ZFPM2: variants seen among roughly 807,000 people sequenced by gnomAD.
ZFPM2 encodes the protein zinc finger protein, FOG family member 2.
In ZFPM2, 20 loss-of-function variants were observed where a neutral mutation model predicts 98.6. The observed-to-expected ratio is 0.20, with a 90% CI of 0.14 to 0.29. The LOEUF (loss-of-function observed/expected upper bound fraction) is 0.29. Ranked by LOEUF, ZFPM2 falls within the 10% of genes least tolerant of loss-of-function variation. The probability of loss-of-function intolerance (pLI) is 1.00; values close to 1 mark genes in which losing one functional copy is unlikely to be tolerated. For synonymous variants in ZFPM2, 518 were observed against 502.7 expected (o/e 1.03, Z -0.41); for missense variants, 1,310 against 1,388.6 (o/e 0.94, Z 0.90).
chr8:105,517,399 G>A (rs1813946902), intron 3 of ZFPM2, among the ~76,000 whole-genome samples: 1 of 152,016 alleles, frequency 6.6e-6, no homozygotes, highest in African/African-American at 2.4e-5. Flanking sequence ...GCTTTATCGA[G>A]ATATAATTGA....
intron 3 of ZFPM2, among the ~76,000 whole-genome samples, chr8:105,488,645 TC>T (rs1813285923): frequency 6.6e-6 from 1 of 152,072 alleles, no homozygotes; most frequent in African/African-American, 2.4e-5. Context: ...GCGCCTGTAG[TC>T]CCAGCTACTC....
intron 3 of ZFPM2, among the ~76,000 whole-genome samples, chr8:105,487,816 T>A (rs1813259730): frequency 1.3e-5 from 2 of 152,196 alleles, no homozygotes; most frequent in African/African-American, 4.8e-5. Context: ...TATTAAGTAA[T>A]TATTTGGCAC....
At chr8:105,476,824 G>GGGGGTACTAGGGATGGTGTT (rs1813021430) in intron 3 of ZFPM2, among the ~76,000 whole-genome samples, 1 of 151,916 alleles carries the variant, frequency 6.6e-6, no homozygotes, top group African/African-American at 2.4e-5. Flanking sequence ...GTGGGTGATT[G>GGGGGTACTAGGGATGGTGTT]GGGGTACTAG....
intron 1 of ZFPM2, among the ~76,000 whole-genome samples, chr8:105,324,667 G>C (rs1812084486): frequency 6.6e-6 from 1 of 151,740 alleles, no homozygotes; most frequent in African/African-American, 2.4e-5. Context: ...CTTCTCAGTT[G>C]CATTTTAATC....
chr8:105,330,868 G>T (rs954487121), intron 1 of ZFPM2, among the ~76,000 whole-genome samples: 1 of 149,738 alleles, frequency 6.7e-6, no homozygotes, highest in Admixed American at 6.7e-5. Flanking sequence ...TTGTAAAATC[G>T]CTGTGTAAGT....
intron 4 of ZFPM2, among the ~76,000 whole-genome samples, chr8:105,608,652 G>A (rs1191846941): frequency 2.7e-5 from 4 of 146,078 alleles, no homozygotes; most frequent in Non-Finnish European, 6.0e-5. Flanking sequence ...GGAAATTTGG[G>A]TTTTTAGAGA....
At chr8:105,323,198 C>T (rs376303071) in intron 1 of ZFPM2, among the ~76,000 whole-genome samples, 3 of 151,622 alleles carry the variant, frequency 2.0e-5, no homozygotes, top group East Asian at 3.9e-4. Flanking sequence ...ACTGTGTTGT[C>T]TTTGATATTT....
Position 105,454,711 on chromosome 8 carries a change from A to G in ZFPM2, c.301+10330A>G, listed in dbSNP as rs572588308. Among the ~76,000 whole-genome samples the G allele has an allele frequency of 3.4e-3, 525 of 152,272 alleles. 2 individuals are homozygous for G. The highest frequency in any genetic ancestry group is 0.012 in the African/African-American group (507 of 41,546). On this transcript the variant is annotated intron_variant, in intron 3 of 7. Coordinates refer to ENST00000407775, the MANE Select transcript of ZFPM2 (RefSeq NM_012082.4). ...ATGTATTAGCTAAAATTATTATCTT[A>G]TGAAAGTCTTCCCTTCGTCCACTAT...
Position 105,803,501 on chromosome 8 carries a change from T to TTGTGAG in ZFPM2, c.3420_3421insGTGAGT (p.Phe1140_Tyr1141insValSer). On this transcript the variant is annotated inframe_insertion, in exon 8 of 8. Coordinates refer to ENST00000407775, the MANE Select transcript of ZFPM2 (RefSeq NM_012082.4). ...TCAAACTTTATAACTCACAAGAAGTTTTATTGCTCATCACATGCAGCAGAA... is the reference window on the plus strand; with the variant it reads ...TCAAACTTTATAACTCACAAGAAGTTTGTGAGTTATTGCTCATCACATGCAGCAGAA... 1 of 1,612,030 alleles carries TTGTGAG rather than the reference T, an allele frequency of 6.2e-7. No individual in the cohort carries two copies. Among genetic ancestry groups the TTGTGAG allele is most frequent in the Non-Finnish European group, 8.5e-7 (1 of 1,178,974 alleles).
intron 1 of ZFPM2, among the ~76,000 whole-genome samples, chr8:105,342,584 C>A (rs751651722): frequency 1.3e-5 from 2 of 151,694 alleles, no homozygotes; most frequent in East Asian, 3.9e-4. Context: ...CTATATAAGA[C>A]AGCCACAGAG....
intron 5 of ZFPM2, among the ~76,000 whole-genome samples, chr8:105,743,343 C>T (rs979315273): frequency 6.6e-6 from 1 of 151,734 alleles, no homozygotes; most frequent in Non-Finnish European, 1.5e-5. Flanking sequence ...GGGGTGAGGG[C>T]CATGGGAATC....
rs74780630 is a variant in ZFPM2 at position 105,568,068 on chromosome 8, C to G, written c.420+6587C>G. ...GAGTGTTTCCCAAAACACTTCTGGC[C>G]TTTCTTCTCTTCTCCCTCTGTTCCC... On this transcript the variant is annotated intron_variant, in intron 4 of 7. Coordinates refer to ENST00000407775, the MANE Select transcript of ZFPM2 (RefSeq NM_012082.4). Among the ~76,000 whole-genome samples the G allele has an allele frequency of 7.0e-3, 1,069 of 152,134 alleles. 15 individuals are homozygous for G. The highest frequency in any genetic ancestry group is 0.024 in the African/African-American group (987 of 41,468).
chr8:105,420,149 C>T (rs1333794817), intron 2 of ZFPM2, among the ~76,000 whole-genome samples: 3 of 152,066 alleles, frequency 2.0e-5, no homozygotes, highest in Admixed American at 2.0e-4. Flanking sequence ...GTATGTCTGT[C>T]TGTGTTTGTG....
At chr8:105,715,421 A>T (rs1035942444) in intron 5 of ZFPM2, among the ~76,000 whole-genome samples, 1 of 151,904 alleles carries the variant, frequency 6.6e-6, no homozygotes, top group South Asian at 2.1e-4. Flanking sequence ...AAAAAAAAAA[A>T]AAAAGAGAGA....
intron 3 of ZFPM2, among the ~76,000 whole-genome samples, chr8:105,517,227 G>A (rs1172387653): frequency 6.6e-6 from 1 of 152,154 alleles, no homozygotes; most frequent in Non-Finnish European, 1.5e-5. Context: ...CGAATCTTAA[G>A]TAACAAAATA....
In ZFPM2 at chr8:105,510,933, C is replaced by T. The variant is rs16873271; in HGVS notation, c.302-50430C>T. Among the ~76,000 whole-genome samples the T allele has an allele frequency of 9.0e-3, 1,368 of 152,296 alleles. 16 individuals carry two copies. The highest frequency in any genetic ancestry group is 0.065 in the East Asian group (334 of 5,178). On this transcript the variant is annotated intron_variant, in intron 3 of 7. Transcript: ENST00000407775. ...GCTTTAGAAATTTTACCCTTTTCTT[C>T]GGGTTTCACATATTCACTTCAGAGT...
chr8:105,373,078 A>G (rs1290559452), intron 1 of ZFPM2, among the ~76,000 whole-genome samples: 1 of 152,126 alleles, frequency 6.6e-6, no homozygotes, highest in Non-Finnish European at 1.5e-5. Flanking sequence ...TTTGTAAAAC[A>G]AGAAGTCCAT....
At chr8:105,660,224 T>C (rs1430653349) in intron 5 of ZFPM2, among the ~76,000 whole-genome samples, 2 of 152,164 alleles carry the variant, frequency 1.3e-5, no homozygotes, top group Non-Finnish European at 2.9e-5. Flanking sequence ...TTTTCACTTG[T>C]TTTTTTCATT....
At chr8:105,740,125 C>A (rs1217637666) in intron 5 of ZFPM2, among the ~76,000 whole-genome samples, 7 of 151,938 alleles carry the variant, frequency 4.6e-5, no homozygotes, top group African/African-American at 1.7e-4. Context: ...TGCAGACAGT[C>A]AAAACTGGGT....
Sources: allele counts gnomAD v4.1 joint callset (sites outside exome capture counted in the v4.1 genomes callset), GRCh38; gene constraint gnomAD v4.1.1; transcripts MANE v1.5; gene names NCBI Gene and HGNC (gene_info 2026-07-23, HGNC 2026-07-21).